Variants in NPHP3 observed in about 807,000 individuals in gnomAD.
The protein encoded by NPHP3 is nephrocystin 3, also known as nephrocystin-3.
NPHP3 carries 123 observed loss-of-function variants against 171.9 expected under a neutral mutation model. That is an observed-to-expected ratio of 0.72 (90% CI 0.62 to 0.83). The LOEUF is 0.83. Among genes scored for constraint, NPHP3 ranks in the 40% least tolerant of loss-of-function variants. The probability of loss-of-function intolerance (pLI) is 0.00; values close to 1 mark genes in which losing one functional copy is unlikely to be tolerated. For missense variants in NPHP3, 1,506 were observed against 1,591.9 expected (o/e 0.95, Z 0.92); for synonymous variants, 558 against 579.2 (o/e 0.96, Z 0.52).
chr3:132,711,449 A>G (rs1939906327), intron 6 of NPHP3, among the ~76,000 whole-genome samples: 1 of 152,136 alleles, frequency 6.6e-6, no homozygotes, highest in Non-Finnish European at 1.5e-5. Context: ...AGCAAAAGTA[A>G]TAAAATATGA....
rs532523715 is a variant in NPHP3, at chr3:132,717,643, A to G, written c.671-734T>C. 2.6e-5 allele frequency among the ~76,000 whole-genome samples: 4 copies of G among 152,304 alleles called. No homozygotes were observed. In the South Asian group the frequency reaches 8.3e-4, roughly 32 times the overall value. On this transcript the variant is annotated intron_variant, in intron 3 of 26. Transcript: ENST00000337331. Reference sequence around the variant, plus strand: ...TTTCTAACTTGCCAAGACAATTACAATAGTTTTGAAACACTGTACATTTGA... The same window carrying G: ...TTTCTAACTTGCCAAGACAATTACAGTAGTTTTGAAACACTGTACATTTGA...
chr3:132,713,695 A>C (rs1576683301), intron 5 of NPHP3, among the ~76,000 whole-genome samples: 2 of 152,194 alleles, frequency 1.3e-5, no homozygotes, highest in East Asian at 3.8e-4. Context: ...CAGAACGCTA[A>C]AGCAGAGCGA....
chr3:132,686,416 A>G (rs745658283), intron 22 of NPHP3, 29 bp from the exon 23 acceptor site: 45 of 1,613,424 alleles, frequency 2.8e-5, no homozygotes, highest in Admixed American at 1.3e-4. Context: ...ATGAAAAGCA[A>G]TCACTAAGTA....
At chr3:132,709,254 C>T (rs564990570) in intron 6 of NPHP3, among the ~76,000 whole-genome samples, 1 of 150,468 alleles carries the variant, frequency 6.6e-6, no homozygotes, top group South Asian at 2.1e-4. Context: ...TCTCTCCCTC[C>T]CTTCTTTCTT....
At chr3:132,684,090 C>A (rs1207784928) in intron 24 of NPHP3, among the ~76,000 whole-genome samples, 1 of 152,100 alleles carries the variant, frequency 6.6e-6, no homozygotes, top group African/African-American at 2.4e-5. Context: ...CAGTATAGAA[C>A]CCTATGGCAA....
chr3:132,718,956 T>C (rs1315474707), intron 3 of NPHP3, 38 bp downstream of exon 3: 2 of 1,610,316 alleles, frequency 1.2e-6, no homozygotes. Context: ...ATTACAGCCA[T>C]GTTGAAAGCT....
chr3:132,683,932 TA>T (rs5852704), intron 24 of NPHP3, among the ~76,000 whole-genome samples: 35,550 of 152,160 alleles, frequency 0.23, 5,784 homozygotes, highest in East Asian at 0.58. Flanking sequence ...CCCTTCTTAC[TA>T]AAACAACTTT....
intron 24 of NPHP3, among the ~76,000 whole-genome samples, chr3:132,683,848 C>A (rs1466466621): frequency 3.3e-5 from 5 of 152,174 alleles, no homozygotes; most frequent in Admixed American, 2.0e-4. Flanking sequence ...AAGCTCATTT[C>A]TTGCCAAATC....
intron 15 of NPHP3, among the ~76,000 whole-genome samples, chr3:132,696,335 T>C (rs1939453311): frequency 1.3e-5 from 2 of 152,190 alleles, no homozygotes; most frequent in Admixed American, 1.3e-4. Context: ...AAAAAGTTTA[T>C]CAGGACTTGA....
At position 132,682,003 on chromosome 3, in the gene NPHP3, T is replaced by C; in HGVS notation, c.3900A>G (p.Gly1300=). ...TTGATGAATGGCGTGAAGGAGCTTT[T>C]CCACCCAAGAGTGATGTTTCTGCTT... ...IKEAETSLLG[G]KAPSRHSSSG... is the part of the protein sequence containing the mutation. Residue 1300 remains glycine (G), a synonymous_variant, in exon 27 of 27, where the codon GGA becomes GGG. Coordinates refer to ENST00000337331, the MANE Select transcript of NPHP3 (RefSeq NM_153240.5). 1 of 1,614,086 alleles carries C rather than the reference T, an allele frequency of 6.2e-7. No individual in the cohort carries two copies. The highest frequency in any genetic ancestry group is 8.5e-7 in the Non-Finnish European group (1 of 1,179,928).
chr3:132,693,183 T>C lies in NPHP3; in HGVS notation c.2311-365A>G, dbSNP rs1403360890. On this transcript the variant is annotated intron_variant, in intron 16 of 26. Coordinates refer to ENST00000337331, the MANE Select transcript of NPHP3 (RefSeq NM_153240.5). The stretch of plus-strand genomic sequence containing the variant: ...CACGTATGAATATCAGACACATTTC[T>C]AAAAGCACAGTTTTTAGATAAATAA... The C allele has an allele frequency of 2.0e-5, 4 of 202,098 alleles. No individual in the cohort carries two copies. The Admixed American group carries it at 2.3e-4, about 11-fold the overall frequency. The allele number at this position is 202,098 out of a possible 1,614,324, so 12.5% of individuals were successfully genotyped here. A position where few individuals can be genotyped will look rare whatever the true frequency, so the allele number is the denominator to read the frequency against.
chr3:132,701,942 C>A (rs1173721223), intron 9 of NPHP3, among the ~76,000 whole-genome samples: 6 of 152,152 alleles, frequency 3.9e-5, no homozygotes, highest in Admixed American at 2.6e-4. Context: ...AAGAGAATGG[C>A]GTGAACCCGG....
chr3:132,685,448 C>A (rs976519097), intron 23 of NPHP3: 5 of 152,094 alleles, frequency 3.3e-5, no homozygotes, highest in African/African-American at 1.2e-4. Flanking sequence ...AAGAATAAAT[C>A]ATTATTTTTT....
intron 7 of NPHP3, among the ~76,000 whole-genome samples, chr3:132,707,118 C>T (rs1215708546): frequency 6.6e-6 from 1 of 152,104 alleles, no homozygotes; most frequent in Non-Finnish European, 1.5e-5. Flanking sequence ...AAGTTGCCTC[C>T]GTGTACAGTA....
At chr3:132,703,579 CT>C (rs747062922) in intron 9 of NPHP3, among the ~76,000 whole-genome samples, 2,498 of 130,912 alleles carry the variant, frequency 0.019, 49 homozygotes, top group African/African-American at 0.053. Context: ...TTCTTTCTTT[CT>C]TTTTTTTTTT....
chr3:132,720,918 T>C (rs934276190), intron 1 of NPHP3, among the ~76,000 whole-genome samples: 6 of 132,726 alleles, frequency 4.5e-5, no homozygotes, highest in Non-Finnish European at 7.9e-5. Context: ...TCTTGCTTTA[T>C]ACTATTTTTT....
chr3:132,719,148 TA>T lies in NPHP3; in HGVS notation c.520-5del. On this transcript the variant is annotated splice_polypyrimidine_tract_variant and splice_region_variant and intron_variant, in intron 2 of 26. Transcript: ENST00000337331. ...TTTCTTTGGTCTCCCTAAAAATCTT[TA>T]AAAAGAATAATTTTAATGTTGAAAG... 2 of 1,595,418 alleles carry T rather than the reference TA, an allele frequency of 1.3e-6. No individual in the cohort carries two copies. Among genetic ancestry groups the T allele is most frequent in the Non-Finnish European group, 1.7e-6 (2 of 1,171,536 alleles).
In NPHP3 at chr3:132,686,460, G is replaced by C. The variant is rs1004357127; in HGVS notation, c.3202-73C>G. ...CCTTGATTCTGAAACAATATATGAG[G>C]GTCCTAAAAAATCTTCCTTTTTTCC... is the stretch of plus-strand genomic sequence containing the variant. On this transcript the variant is annotated intron_variant, in intron 22 of 26. Coordinates refer to ENST00000337331, the MANE Select transcript of NPHP3 (RefSeq NM_153240.5). 39 of 1,583,246 alleles carry C rather than the reference G, an allele frequency of 2.5e-5. 1 individual carries two copies. In the Admixed American group the frequency reaches 3.0e-4, roughly 12 times the overall value.
chr3:132,681,620 T>C lies in NPHP3; in HGVS notation c.*290A>G. On this transcript the variant is annotated 3_prime_UTR_variant, in exon 27 of 27. Coordinates refer to ENST00000337331, the MANE Select transcript of NPHP3 (RefSeq NM_153240.5). Reference sequence around the variant, plus strand: ...GTCTTAACTACTCTGCCAGCTCTTGTTGAACAAAGACCAATCCGCTCTTCA... The same window carrying C: ...GTCTTAACTACTCTGCCAGCTCTTGCTGAACAAAGACCAATCCGCTCTTCA... The C allele has an allele frequency of 2.7e-6, 1 of 368,812 alleles. No individual in the cohort carries two copies. The highest frequency in any genetic ancestry group is 5.1e-6 in the Non-Finnish European group (1 of 195,026). 22.8% of individuals were successfully genotyped at this position (368,812 alleles called of 1,614,324 possible). A position where few individuals can be genotyped will look rare whatever the true frequency, so the allele number is the denominator to read the frequency against.
Sources: gnomAD v4.1 joint callset for allele counts (sites outside exome capture counted in the v4.1 genomes callset) on GRCh38, gnomAD v4.1.1 for gene constraint, MANE v1.5 for transcripts, NCBI Gene and HGNC (gene_info 2026-07-23, HGNC 2026-07-21) for gene names.